Variants in SLC5A10 observed in about 807,000 individuals in gnomAD.
The protein encoded by SLC5A10 is solute carrier family 5 member 10.
SLC5A10 carries 55 observed loss-of-function variants against 68.9 expected under a neutral mutation model. The observed-to-expected ratio is 0.80, with a 90% CI of 0.64 to 1.00. SLC5A10 has a LOEUF of 1.00. Among genes scored for constraint, SLC5A10 ranks in the 50% least tolerant of loss-of-function variants. SLC5A10 has a pLI of 0.00. For missense variants in SLC5A10, 732 were observed against 819.3 expected (o/e 0.89, Z 1.30); for synonymous variants, 344 against 344.8 (o/e 1.00, Z 0.02).
chr17:18,957,833 G>A (rs931438969), intron 1 of SLC5A10, among the ~76,000 whole-genome samples: 7 of 152,200 alleles, frequency 4.6e-5, no homozygotes, highest in African/African-American at 1.7e-4. Flanking sequence ...ACCATTACCT[G>A]TAGCTAGCTC....
chr17:19,011,375 G>A (rs2428371), intron 9 of SLC5A10, among the ~76,000 whole-genome samples: 79,471 of 152,112 alleles, frequency 0.52, 25,124 homozygotes, highest in Non-Finnish European at 0.72. Flanking sequence ...GCGTCCAAGT[G>A]CTGGGTGTGT....
intron 9 of SLC5A10, chr17:18,977,988 C>T: frequency 1.3e-6 from 2 of 1,574,108 alleles, no homozygotes; most frequent in Non-Finnish European, 1.7e-6. Context: ...TCCTGGGTCA[C>T]AGATAGCTGC....
chr17:18,987,060 G>A (rs2043287973), intron 9 of SLC5A10, among the ~76,000 whole-genome samples: 1 of 152,234 alleles, frequency 6.6e-6, no homozygotes, highest in South Asian at 2.1e-4. Context: ...GACTCAACCG[G>A]AGGCGTTGGG....
Position 19,017,075 on chromosome 17 carries a change from C to A in SLC5A10, c.1241+1876C>A, listed in dbSNP as rs1339774958. On this transcript the variant is annotated intron_variant, in intron 11 of 14. Transcript: ENST00000395645. The surrounding 1 kb of genome is among the most constrained non-coding windows in gnomAD (Gnocchi z 5.6). ...CTGCCCGTGCCCTTGACCCTCCTTC[C>A]CACCTCTTCTGCCAAGTCAACCCCC... is the stretch of plus-strand genomic sequence containing the variant. Among the ~76,000 whole-genome samples the A allele has an allele frequency of 2.6e-5, 4 of 152,204 alleles. No individual in the cohort carries two copies. Among genetic ancestry groups the A allele is most frequent in the Non-Finnish European group, 5.9e-5 (4 of 68,024 alleles).
At chr17:18,977,694 TC>T in intron 9 of SLC5A10, 1 of 1,610,388 alleles carries the variant, frequency 6.2e-7, no homozygotes, top group Admixed American at 1.7e-5. Context: ...CCAACAAAGG[TC>T]CCTCGGGTTA....
chr17:19,020,506 G>C lies in SLC5A10; in HGVS notation c.*75G>C, dbSNP rs1278721666. The C allele has an allele frequency of 2.0e-5, 28 of 1,388,126 alleles. No homozygotes were observed. The highest frequency in any genetic ancestry group is 2.7e-5 in the Non-Finnish European group (27 of 994,156). The allele number at this position is 1,388,126 out of a possible 1,614,324, so 86.0% of individuals were successfully genotyped here. On this transcript the variant is annotated 3_prime_UTR_variant, in exon 15 of 15. Transcript: ENST00000395645. ...CCATTTCCCTCATGGGGATCCCGAGGCCCCAAGAGGGGCAGATTCCCCTCA... is the reference window on the plus strand; with the variant it reads ...CCATTTCCCTCATGGGGATCCCGAGCCCCCAAGAGGGGCAGATTCCCCTCA...
intron 9 of SLC5A10, among the ~76,000 whole-genome samples, chr17:18,991,497 G>C (rs769407767): frequency 3.2e-4 from 48 of 152,196 alleles, no homozygotes; most frequent in Non-Finnish European, 6.2e-4. Context: ...GCAGGGCAAG[G>C]GCTGTGGAAA....
At chr17:18,952,622 T>C (rs1023839962) in intron 1 of SLC5A10, 2 of 251,448 alleles carry the variant, frequency 8.0e-6, no homozygotes, top group Non-Finnish European at 1.5e-5. Flanking sequence ...AGCCTCCTGG[T>C]CCCAGTCTCC....
chr17:19,022,289 G>A lies in SLC5A10; in HGVS notation c.*1858G>A, dbSNP rs1366023866. 1 of 497,584 alleles carries A rather than the reference G, an allele frequency of 2.0e-6. No individual in the cohort carries two copies. Among genetic ancestry groups the A allele is most frequent in the South Asian group, 3.4e-5 (1 of 28,986 alleles). The allele number at this position is 497,584 out of a possible 1,614,324, so 30.8% of individuals were successfully genotyped here. A position where few individuals can be genotyped will look rare whatever the true frequency, so the allele number is the denominator to read the frequency against. ...AGTTGAACTTTAAGTCCAGATCAAT[G>A]GTAGTGCCACCACTGGGCCTCCTGC... On this transcript the variant is annotated 3_prime_UTR_variant, in exon 15 of 15. Transcript: ENST00000395645.
chr17:18,976,828 C>G (rs748241996), intron 8 of SLC5A10, 26 bp from the exon 9 acceptor site: 4 of 1,611,390 alleles, frequency 2.5e-6, no homozygotes, highest in Non-Finnish European at 3.4e-6. Context: ...GGCTTGGACT[C>G]ACCCCGTCTC....
At chr17:18,953,811 T>A (rs2042428029) in intron 1 of SLC5A10, 1 of 152,542 alleles carries the variant, frequency 6.6e-6, no homozygotes, top group Admixed American at 6.5e-5. Context: ...GATTTTAGAG[T>A]TTTGGGTTGG....
At position 18,960,540 on chromosome 17, in the gene SLC5A10, C is replaced by G. The variant is rs565320412; in HGVS notation, c.349-8C>G. The G allele has an allele frequency of 1.9e-6, 3 of 1,613,792 alleles. No individual in the cohort carries two copies. The highest frequency in any genetic ancestry group is 2.7e-5 in the African/African-American group (2 of 75,038). ...GGATGCTTAGCCCCTACCCATGTGC[C>G]TTCCCAGATCGTCACCTTACCTGAG... On this transcript the variant is annotated splice_region_variant and splice_polypyrimidine_tract_variant and intron_variant, in intron 4 of 14. Coordinates refer to ENST00000395645, the MANE Select transcript of SLC5A10 (RefSeq NM_001042450.4).
At chr17:18,970,595 T>C (rs746882533) in intron 7 of SLC5A10, 20 of 221,256 alleles carry the variant, frequency 9.0e-5, no homozygotes, top group Non-Finnish European at 1.7e-4. Context: ...ACCCTTCAGG[T>C]GATCAGGATG....
At position 18,968,980 on chromosome 17, in the gene SLC5A10, G is replaced by T. The variant is rs556220147; in HGVS notation, c.454-72G>T. On this transcript the variant is annotated intron_variant, in intron 5 of 14. Coordinates refer to ENST00000395645, the MANE Select transcript of SLC5A10 (RefSeq NM_001042450.4). This position sits in a 1 kb window ranked among gnomAD's most constrained non-coding sequence, Gnocchi z 4.1. ...CCGAGGCCCAGAGAGGGCCTTGCCC[G>T]AGGTCACCCAGGGAGTGGCTTGCTG... is the stretch of plus-strand genomic sequence containing the variant. 10 of 1,484,904 alleles carry T rather than the reference G, an allele frequency of 6.7e-6. No individual in the cohort carries two copies. Among genetic ancestry groups the T allele is most frequent in the South Asian group, 6.5e-5 (5 of 77,420 alleles). 92.0% of individuals were successfully genotyped at this position (1,484,904 alleles called of 1,614,324 possible). A position where few individuals can be genotyped will look rare whatever the true frequency, so the allele number is the denominator to read the frequency against.
Position 18,968,168 on chromosome 17 carries a change from G to A in SLC5A10, c.454-884G>A, listed in dbSNP as rs183562966. On this transcript the variant is annotated intron_variant, in intron 5 of 14. Coordinates refer to ENST00000395645, the MANE Select transcript of SLC5A10 (RefSeq NM_001042450.4). This position sits in a 1 kb window ranked among gnomAD's most constrained non-coding sequence, Gnocchi z 4.1. Reference sequence around the variant, plus strand: ...GCCTGCACTTCCTGGGCCTCGTGCAGATGTGTCCCCACACTAGGAAGCACA... The same window carrying A: ...GCCTGCACTTCCTGGGCCTCGTGCAAATGTGTCCCCACACTAGGAAGCACA... 1.3e-5 allele frequency among the ~76,000 whole-genome samples: 2 copies of A among 152,336 alleles called. No individual in the cohort carries two copies. The highest frequency in any genetic ancestry group is 3.9e-4 in the East Asian group (2 of 5,184).
chr17:19,019,223 G>T, intron 11 of SLC5A10, 200 bp from the exon 12 acceptor site: 1 of 616,054 alleles, frequency 1.6e-6, no homozygotes. Flanking sequence ...TGCACCTGCA[G>T]GATCCAGGGA....
At chr17:18,977,051 C>T (rs1180654049) in intron 9 of SLC5A10, 62 bp downstream of exon 9, 2 of 1,592,402 alleles carry the variant, frequency 1.3e-6, no homozygotes, top group East Asian at 4.5e-5. Flanking sequence ...GGGACCTTGT[C>T]CTGCAAACGT....
At chr17:18,990,614 G>A (rs1003748456) in intron 9 of SLC5A10, among the ~76,000 whole-genome samples, 1 of 152,220 alleles carries the variant, frequency 6.6e-6, no homozygotes, top group African/African-American at 2.4e-5. Flanking sequence ...ATTGCCCTCA[G>A]CCAGGCAGGG....
chr17:18,965,211 G>A (rs933362094), intron 5 of SLC5A10, among the ~76,000 whole-genome samples: 4 of 152,136 alleles, frequency 2.6e-5, no homozygotes, highest in African/African-American at 4.8e-5. Context: ...GAGGTTTTGG[G>A]GAGTGGGTGT....
Sources: allele counts gnomAD v4.1 joint callset (sites outside exome capture counted in the v4.1 genomes callset), GRCh38; gene constraint gnomAD v4.1.1; non-coding constraint Gnocchi (gnomAD v3.1); transcripts MANE v1.5; gene names NCBI Gene and HGNC (gene_info 2026-07-23, HGNC 2026-07-21).